Variants in LARGE1 observed in about 807,000 individuals in gnomAD.
LARGE1 encodes the protein xylosyl- and glucuronyltransferase LARGE1.
A neutral mutation model predicts 87.6 loss-of-function variants in LARGE1; 43 were observed. That is an observed-to-expected ratio of 0.49 (90% CI 0.38 to 0.63). LARGE1 has a LOEUF of 0.63. Ranked by LOEUF, LARGE1 falls within the 30% of genes least tolerant of loss-of-function variation. The pLI, the probability that LARGE1 is intolerant of heterozygous loss-of-function variation, is 0.00. For missense variants in LARGE1, 802 were observed against 1,000.2 expected, an observed-to-expected ratio of 0.80 and a Z score of 2.67; for synonymous variants, 434 against 394.6, an observed-to-expected ratio of 1.10 and a Z score of -1.18.
At chr22:33,683,762 A>T (rs558783603) in intron 2 of LARGE1, among the ~76,000 whole-genome samples, 77 of 152,026 alleles carry the variant, frequency 5.1e-4, no homozygotes, top group African/African-American at 1.9e-3. Flanking sequence ...TACTATCTGA[A>T]CTCTGCCAGT....
At chr22:33,094,911 G>T in the LARGE1 span, among the ~76,000 whole-genome samples, 527 of 152,202 alleles carry the variant, frequency 3.5e-3, 3 homozygotes, top group Non-Finnish European at 5.7e-3. Flanking sequence ...TAGAGATAGG[G>T]TTTCTCCATG....
chr22:33,884,756 C>T (rs1207630768), intron 1 of LARGE1, among the ~76,000 whole-genome samples: 1 of 152,224 alleles, frequency 6.6e-6, no homozygotes, highest in African/African-American at 2.4e-5. Context: ...CTCCAAAAGT[C>T]AACCTTTGTC....
At chr22:33,119,769 C>A in the LARGE1 span, among the ~76,000 whole-genome samples, 1 of 152,146 alleles carries the variant, frequency 6.6e-6, no homozygotes, top group African/African-American at 2.4e-5. Context: ...TTAATTTTTT[C>A]AAGGGTATTG....
In LARGE1 at chr22:33,908,280, C is replaced by T. The variant is rs2065516219; in HGVS notation, c.-83+11715G>A. Among the ~76,000 whole-genome samples the T allele has an allele frequency of 7.9e-5, 12 of 152,260 alleles. 1 individual carries two copies. In the South Asian group the frequency reaches 2.5e-3, roughly 32 times the overall value. On this transcript the variant is annotated intron_variant, in intron 1 of 14. Transcript: ENST00000397394. ...GAAAGGCTCCCGCTCTCTAGCAAAA[C>T]AGTCAGGTTACGGCGCAGAAAGTGC... is the stretch of plus-strand genomic sequence containing the variant.
At chr22:33,829,078 G>A (rs1041215997) in intron 1 of LARGE1, among the ~76,000 whole-genome samples, 10 of 138,276 alleles carry the variant, frequency 7.2e-5, no homozygotes, top group Admixed American at 2.5e-4. Flanking sequence ...GCGTGATCTC[G>A]GCTCACTGCA....
intron 11 of LARGE1, among the ~76,000 whole-genome samples, chr22:33,175,410 C>A (rs1241743461): frequency 6.6e-6 from 1 of 152,096 alleles, no homozygotes; most frequent in Non-Finnish European, 1.5e-5. Context: ...AAAACCCCAT[C>A]ATCTCAGCCC....
chr22:33,168,594 T>C (rs1037127350), intron 11 of LARGE1, among the ~76,000 whole-genome samples: 3 of 152,190 alleles, frequency 2.0e-5, no homozygotes, highest in African/African-American at 7.2e-5. Flanking sequence ...TAATTAATGT[T>C]AGTTACTGTT....
chr22:33,183,749 G>A (rs1568963788), intron 11 of LARGE1, among the ~76,000 whole-genome samples: 1 of 151,970 alleles, frequency 6.6e-6, no homozygotes, highest in Non-Finnish European at 1.5e-5. Context: ...AGAAAGGTGA[G>A]TACTGGATGA....
At chr22:33,355,580 G>A (rs1218932206) in intron 9 of LARGE1, among the ~76,000 whole-genome samples, 2 of 152,050 alleles carry the variant, frequency 1.3e-5, no homozygotes, top group African/African-American at 2.4e-5. Flanking sequence ...CTCTGATCAC[G>A]GCCAAGTTAT....
chr22:33,550,140 T>TACACACACAC (rs1491548502), intron 6 of LARGE1, among the ~76,000 whole-genome samples: 2 of 96,770 alleles, frequency 2.1e-5, no homozygotes, highest in African/African-American at 4.2e-5. Context: ...GAACTTAAAG[T>TACACACACAC]ATACACACAC....
At chr22:33,322,291 G>A (rs758548743) in intron 10 of LARGE1, among the ~76,000 whole-genome samples, 1 of 152,098 alleles carries the variant, frequency 6.6e-6, no homozygotes, top group Non-Finnish European at 1.5e-5. Context: ...GCAATATCCA[G>A]GTTCTATATC....
intron 2 of LARGE1, among the ~76,000 whole-genome samples, chr22:33,723,190 C>G (rs367762652): frequency 1.2e-3 from 187 of 152,290 alleles, no homozygotes; most frequent in Admixed American, 3.3e-3. Flanking sequence ...GAGACAATTA[C>G]AAGAAAGAGA....
At chr22:33,483,504 G>A (rs1391721551) in intron 6 of LARGE1, among the ~76,000 whole-genome samples, 1 of 152,144 alleles carries the variant, frequency 6.6e-6, no homozygotes, top group East Asian at 1.9e-4. Flanking sequence ...AGAAAGGACA[G>A]AGGTAAAAGA....
intron 2 of LARGE1, among the ~76,000 whole-genome samples, chr22:33,751,155 G>C (rs2084300474): frequency 6.6e-6 from 1 of 152,098 alleles, no homozygotes; most frequent in South Asian, 2.1e-4. Flanking sequence ...ATCATAAAGT[G>C]AGCCCAGCTA....
chr22:33,855,537 C>T (rs550167859), intron 1 of LARGE1, among the ~76,000 whole-genome samples: 3 of 152,236 alleles, frequency 2.0e-5, no homozygotes, highest in African/African-American at 7.2e-5. Flanking sequence ...GTACAATCCC[C>T]AGGACCCATG....
intron 2 of LARGE1, among the ~76,000 whole-genome samples, chr22:33,670,816 A>G (rs1380507371): frequency 1.3e-5 from 2 of 152,256 alleles, no homozygotes; most frequent in Admixed American, 6.5e-5. Flanking sequence ...ATAAATGTGG[A>G]TAAGAGTGAA....
At chr22:33,501,134 G>T (rs2070411745) in intron 6 of LARGE1, among the ~76,000 whole-genome samples, 2 of 152,144 alleles carry the variant, frequency 1.3e-5, no homozygotes, top group Admixed American at 1.3e-4. Flanking sequence ...GAGAGGGAAA[G>T]AATTGAAATG....
rs78212566 is a variant in LARGE1, at chr22:33,354,776, G to A, written c.1132-16975C>T. Among the ~76,000 whole-genome samples, 621 of 152,220 alleles carry A rather than the reference G, an allele frequency of 4.1e-3. 4 individuals carry two copies. The highest frequency in any genetic ancestry group is 0.014 in the African/African-American group (599 of 41,548). On this transcript the variant is annotated intron_variant, in intron 9 of 14. Transcript: ENST00000397394. ...ATTTGGATCTGTGAATTTTAGGAGG[G>A]ATCCTTTTTGCAGTCATAGCCATTA...
intron 4 of LARGE1, among the ~76,000 whole-genome samples, chr22:33,625,903 T>A (rs923852698): frequency 1.3e-5 from 2 of 152,144 alleles, no homozygotes; most frequent in East Asian, 3.9e-4. Context: ...CATAACTCAA[T>A]CCATAACACA....
Sources: gnomAD v4.1 joint callset for allele counts (sites outside exome capture counted in the v4.1 genomes callset) on GRCh38, gnomAD v4.1.1 for gene constraint, MANE v1.5 for transcripts, NCBI Gene and HGNC (gene_info 2026-07-23, HGNC 2026-07-21) for gene names.